Variants in FAM120C observed in about 807,000 individuals in gnomAD.
The protein encoded by FAM120C is constitutive coactivator of PPAR-gamma-like protein 2.
Under a neutral mutation model 71.2 loss-of-function variants are expected in FAM120C, and 14 were observed. The ratio of observed to expected loss-of-function variants is 0.20; its 90% CI spans 0.13 to 0.31. The LOEUF (loss-of-function observed/expected upper bound fraction) is 0.31, where lower values mean the gene tolerates loss of function less well. FAM120C is among the 10% of genes least tolerant of loss of function. The probability of loss-of-function intolerance (pLI) is 1.00; values close to 1 mark genes in which losing one functional copy is unlikely to be tolerated. For missense variants in FAM120C, 500 were observed against 879.0 expected (o/e 0.57, Z 5.45); for synonymous variants, 354 against 353.2 (o/e 1.00, Z -0.03).
intron 9 of FAM120C, among the ~76,000 whole-genome samples, chrX:54,127,426 C>A (rs1557128172): frequency 1.9e-5 from 2 of 107,569 alleles, no homozygotes; most frequent in African/African-American, 6.8e-5. Flanking sequence ...CCTGTCTCTA[C>A]TAAAAGTACA....
intron 10 of FAM120C, among the ~76,000 whole-genome samples, chrX:54,094,212 C>T (rs2066838519): frequency 9.3e-6 from 1 of 107,936 alleles, no homozygotes; most frequent in Non-Finnish European, 1.9e-5. Context: ...ATTCTCCTGC[C>T]TCAGCCTCTC....
intron 1 of FAM120C, among the ~76,000 whole-genome samples, chrX:54,178,844 C>T (rs1344677450): frequency 8.9e-6 from 1 of 111,960 alleles, no homozygotes; most frequent in Non-Finnish European, 1.9e-5. Flanking sequence ...AACATGATTT[C>T]TGCCATATCC....
At chrX:54,146,213 G>A (rs1184085705) in intron 4 of FAM120C, among the ~76,000 whole-genome samples, 4 of 110,866 alleles carry the variant, frequency 3.6e-5, no homozygotes, top group South Asian at 7.6e-4. Flanking sequence ...TGTAAATGAC[G>A]AGTTAACAGG....
chrX:54,075,911 G>C (rs1334020826), intron 15 of FAM120C, among the ~76,000 whole-genome samples: 2 of 108,611 alleles, frequency 1.8e-5, no homozygotes, highest in Non-Finnish European at 1.9e-5. Context: ...TCAGGAGTTC[G>C]AGACCAGCCT....
chrX:54,135,830 A>G (rs1048169322), intron 5 of FAM120C, among the ~76,000 whole-genome samples: 1 of 111,259 alleles, frequency 9.0e-6, no homozygotes, highest in Non-Finnish European at 1.9e-5. Context: ...TGACTTGCCA[A>G]GGTTCACTTG....
chrX:54,129,156 G>A (rs1442453596), intron 9 of FAM120C, among the ~76,000 whole-genome samples: 5 of 105,454 alleles, frequency 4.7e-5, no homozygotes, highest in Non-Finnish European at 9.8e-5. Context: ...CTGGCCTGGC[G>A]GGGGCTGACC....
chrX:54,114,851 G>A (rs1209330603), intron 10 of FAM120C, among the ~76,000 whole-genome samples: 2 of 111,347 alleles, frequency 1.8e-5, no homozygotes, highest in African/African-American at 3.3e-5. Context: ...GGGTTCAAGC[G>A]ATTCTCCTGC....
At chrX:54,112,481 G>A (rs1481733685) in intron 10 of FAM120C, among the ~76,000 whole-genome samples, 3 of 110,361 alleles carry the variant, frequency 2.7e-5, no homozygotes, top group Non-Finnish European at 5.7e-5. Flanking sequence ...TGAGACGGGC[G>A]GATCACCTGA....
intron 4 of FAM120C, among the ~76,000 whole-genome samples, chrX:54,140,260 C>T (rs1164957470): frequency 4.0e-5 from 4 of 100,824 alleles, no homozygotes; most frequent in Non-Finnish European, 8.0e-5. Context: ...CGCACCATTG[C>T]ACTCCAGCCT....
intron 1 of FAM120C, among the ~76,000 whole-genome samples, chrX:54,166,311 A>G (rs1557135158): frequency 2.7e-5 from 3 of 111,847 alleles, no homozygotes. Flanking sequence ...CTCTAGGGAG[A>G]GCGATTTGGC....
chrX:54,139,030 C>G (rs1292809515), intron 4 of FAM120C, among the ~76,000 whole-genome samples: 2 of 111,759 alleles, frequency 1.8e-5, no homozygotes, highest in Non-Finnish European at 3.8e-5. Flanking sequence ...AAGTCATTTT[C>G]AGTTTCTAAT....
Position 54,130,330 on chromosome X carries a change from A to G in FAM120C, c.2062+2362T>C, listed in dbSNP as rs1299685061. On this transcript the variant is annotated intron_variant, in intron 9 of 15. Coordinates refer to ENST00000375180, the MANE Select transcript of FAM120C (RefSeq NM_017848.6). ...TGCTATGCAAAAGTCAAATATGTTT[A>G]TAACTGTTTATCAAAGCATTTTTAT... 2.7e-5 allele frequency among the ~76,000 whole-genome samples: 3 copies of G among 111,519 alleles called. No individual in the cohort carries two copies. The East Asian group carries it at 8.5e-4, about 31-fold the overall frequency.
chrX:54,072,574 A>C lies in FAM120C; in HGVS notation c.*459T>G, dbSNP rs1557120182. The C allele has an allele frequency of 1.8e-5, 2 of 110,131 alleles. No homozygotes were observed. The highest frequency in any genetic ancestry group is 3.7e-5 in the Non-Finnish European group (2 of 53,428). 9.1% of individuals were successfully genotyped at this position (110,131 alleles called of 1,213,427 possible). On this transcript the variant is annotated 3_prime_UTR_variant, in exon 16 of 16. Coordinates refer to ENST00000375180, the MANE Select transcript of FAM120C (RefSeq NM_017848.6). ...GATACCACTTCATAGAGAAAAAAAA[A>C]AAACAAAAAAAAACCTCAGGAGGCC...
At chrX:54,139,285 A>G (rs2056906343) in intron 4 of FAM120C, among the ~76,000 whole-genome samples, 2 of 110,079 alleles carry the variant, frequency 1.8e-5, no homozygotes, top group South Asian at 7.7e-4. Flanking sequence ...AAACTGTAAA[A>G]CATGTATAAT....
chrX:54,104,252 C>G (rs2066895320), intron 10 of FAM120C, among the ~76,000 whole-genome samples: 2 of 111,268 alleles, frequency 1.8e-5, no homozygotes, highest in South Asian at 7.5e-4. Context: ...CCTCCTCAAA[C>G]TGTATCAACC....
Position 54,157,676 on chromosome X carries a change from T to C in FAM120C, c.1029+13A>G. ...TCCCCTAATCTGTATAGGCAAGAAA[T>C]AGGAAACATTACCTTAAGTGATGCA... On this transcript the variant is annotated intron_variant, in intron 3 of 15. Coordinates refer to ENST00000375180, the MANE Select transcript of FAM120C (RefSeq NM_017848.6). 1.7e-6 allele frequency: 2 copies of C among 1,180,182 alleles called. No individual in the cohort carries two copies. The highest frequency in any genetic ancestry group is 2.3e-6 in the Non-Finnish European group (2 of 868,090).
chrX:54,089,526 G>A (rs1357239988), intron 11 of FAM120C, among the ~76,000 whole-genome samples: 3 of 111,832 alleles, frequency 2.7e-5, no homozygotes, highest in African/African-American at 9.8e-5. Context: ...TTCCTTAGTT[G>A]ACCTCACTTA....
intron 9 of FAM120C, among the ~76,000 whole-genome samples, chrX:54,131,847 C>G (rs782569300): frequency 9.2e-6 from 1 of 109,214 alleles, no homozygotes; most frequent in South Asian, 3.9e-4. Context: ...CTGCAAGCTC[C>G]GCCTCCCAGG....
intron 3 of FAM120C, 146 bp from the exon 4 acceptor site, chrX:54,151,519 C>T: frequency 1.5e-6 from 1 of 648,601 alleles, no homozygotes; most frequent in East Asian, 3.7e-5. Context: ...AGTTTTGCCC[C>T]TTCATTCTCA....
Sources: gnomAD v4.1 joint callset for allele counts (sites outside exome capture counted in the v4.1 genomes callset) on GRCh38, gnomAD v4.1.1 for gene constraint, MANE v1.5 for transcripts, NCBI Gene and HGNC (gene_info 2026-07-23, HGNC 2026-07-21) for gene names.